Variants in WWOX observed in about 807,000 individuals in gnomAD.
WWOX encodes the protein WW domain containing oxidoreductase.
Under a neutral mutation model 46.2 loss-of-function variants are expected in WWOX, and 69 were observed. The observed-to-expected ratio is 1.49, with a 90% CI of 1.23 to 1.82. WWOX has a LOEUF of 1.82. WWOX is among the 40% of genes most tolerant of loss of function. The pLI is 0.00. For synonymous variants in WWOX, 359 were observed against 202.6 expected, an observed-to-expected ratio of 1.77 and a Z score of -6.56; for missense variants, 919 against 542.6, an observed-to-expected ratio of 1.69 and a Z score of -6.89.
intron 8 of WWOX, among the ~76,000 whole-genome samples, chr16:78,787,409 G>T (rs1253839802): frequency 2.6e-5 from 4 of 152,034 alleles, no homozygotes; most frequent in Non-Finnish European, 1.5e-5. Flanking sequence ...CATATAAATG[G>T]AATCACACAA....
At chr16:78,151,918 C>T (rs914579341) in intron 4 of WWOX, among the ~76,000 whole-genome samples, 12 of 152,248 alleles carry the variant, frequency 7.9e-5, no homozygotes, top group South Asian at 4.2e-4. Context: ...AGGCCAGGCG[C>T]GGTGGCTCAC....
intron 8 of WWOX, among the ~76,000 whole-genome samples, chr16:78,621,431 C>T (rs1017240289): frequency 2.6e-5 from 4 of 151,718 alleles, no homozygotes; most frequent in African/African-American, 9.7e-5. Flanking sequence ...TTTATTTTTC[C>T]CTCTTGGAGT....
At chr16:79,019,091 G>A (rs182279543) in intron 8 of WWOX, among the ~76,000 whole-genome samples, 1 of 140,588 alleles carries the variant, frequency 7.1e-6, no homozygotes, top group Admixed American at 7.7e-5. Context: ...CTAGGAGGCA[G>A]AGGTTGCTGT....
chr16:78,205,845 C>T (rs567636106), intron 5 of WWOX, among the ~76,000 whole-genome samples: 34 of 151,460 alleles, frequency 2.2e-4, no homozygotes, highest in Non-Finnish European at 4.3e-4. Flanking sequence ...TCCTTCCTTC[C>T]GTCCTTCCTT....
chr16:78,290,728 A>G (rs1294860331), intron 5 of WWOX, among the ~76,000 whole-genome samples: 1 of 152,188 alleles, frequency 6.6e-6, no homozygotes, highest in African/African-American at 2.4e-5. Context: ...GACTTCTGTA[A>G]TATGGGAAGT....
chr16:78,989,824 G>GTGTT (rs529042241), intron 8 of WWOX, among the ~76,000 whole-genome samples: 2,362 of 142,092 alleles, frequency 0.017, 34 homozygotes, highest in Middle Eastern at 0.038. Flanking sequence ...GTGTGAGCGT[G>GTGTT]TGTGTGTGTG....
intron 8 of WWOX, among the ~76,000 whole-genome samples, chr16:78,955,429 G>C (rs768150045): frequency 9.2e-5 from 14 of 152,132 alleles, no homozygotes; most frequent in Non-Finnish European, 1.8e-4. Context: ...GAGTCCCAGA[G>C]AGCTTGGGCC....
At chr16:78,926,780 G>A (rs1352857959) in intron 8 of WWOX, among the ~76,000 whole-genome samples, 1 of 151,992 alleles carries the variant, frequency 6.6e-6, no homozygotes, top group African/African-American at 2.4e-5. Context: ...AGAGCTGAGT[G>A]CCAGTTTGTT....
chr16:78,448,550 C>T (rs2083613751), intron 8 of WWOX, among the ~76,000 whole-genome samples: 1 of 152,052 alleles, frequency 6.6e-6, no homozygotes, highest in African/African-American at 2.4e-5. Context: ...GAAGCCAACA[C>T]ACAAAACCGA....
intron 6 of WWOX, among the ~76,000 whole-genome samples, chr16:78,409,011 T>C (rs1456479263): frequency 6.6e-6 from 1 of 152,198 alleles, no homozygotes; most frequent in East Asian, 1.9e-4. Context: ...TACCTACCTC[T>C]GATTTCTTAA....
intron 8 of WWOX, among the ~76,000 whole-genome samples, chr16:78,625,410 GCCATATGCTTTT>G (rs1267022782): frequency 6.6e-6 from 1 of 152,086 alleles, no homozygotes; most frequent in Admixed American, 6.5e-5. Context: ...CTACTAGAAT[GCCATATGCTTTT>G]CTATATGCTG....
At chr16:78,797,604 C>T (rs1460583221) in intron 8 of WWOX, among the ~76,000 whole-genome samples, 3 of 152,084 alleles carry the variant, frequency 2.0e-5, no homozygotes, top group African/African-American at 7.2e-5. Flanking sequence ...CCTGAGCTTC[C>T]ATGTGCTTAT....
intron 5 of WWOX, among the ~76,000 whole-genome samples, chr16:78,313,221 T>C (rs2080283731): frequency 6.6e-6 from 1 of 152,200 alleles, no homozygotes; most frequent in African/African-American, 2.4e-5. Context: ...TTGCTAGCCA[T>C]GGAACCTCAG....
chr16:79,086,152 C>T (rs770511093), intron 8 of WWOX, among the ~76,000 whole-genome samples: 6 of 151,984 alleles, frequency 3.9e-5, no homozygotes, highest in East Asian at 1.9e-4. Flanking sequence ...GTTCTTTAAA[C>T]GGATCACATT....
At chr16:78,727,096 G>A (rs532181591) in intron 8 of WWOX, among the ~76,000 whole-genome samples, 3 of 152,232 alleles carry the variant, frequency 2.0e-5, no homozygotes, top group South Asian at 4.1e-4. Context: ...ATGCATCCAT[G>A]GAATATGAAA....
At chr16:78,644,857 G>A (rs572946895) in intron 8 of WWOX, among the ~76,000 whole-genome samples, 1 of 152,306 alleles carries the variant, frequency 6.6e-6, no homozygotes, top group East Asian at 1.9e-4. Context: ...AGAGCATGTA[G>A]AAGAGGATAG....
intron 8 of WWOX, among the ~76,000 whole-genome samples, chr16:78,716,835 G>A (rs74804357): frequency 0.013 from 1,907 of 152,190 alleles, 43 homozygotes; most frequent in African/African-American, 0.043. Flanking sequence ...CCCTCCCTAC[G>A]CAACCACAGC....
chr16:79,096,024 T>TTTTG (rs2049064286), intron 8 of WWOX, among the ~76,000 whole-genome samples: 3 of 144,584 alleles, frequency 2.1e-5, no homozygotes, highest in South Asian at 4.4e-4. Flanking sequence ...TAATTTTTTT[T>TTTTG]TTTTTTTTTT....
chr16:78,444,180 C>T (rs957739215), intron 8 of WWOX, among the ~76,000 whole-genome samples: 2 of 152,140 alleles, frequency 1.3e-5, no homozygotes, highest in Admixed American at 6.5e-5. Context: ...TTCCCAGCTC[C>T]GTGCCGGGCT....
Sources: gnomAD v4.1 joint callset for allele counts (sites outside exome capture counted in the v4.1 genomes callset) on GRCh38, gnomAD v4.1.1 for gene constraint, MANE v1.5 for transcripts, NCBI Gene and HGNC (gene_info 2026-07-23, HGNC 2026-07-21) for gene names.